Variants in LRP8 observed in about 807,000 individuals in gnomAD.
LRP8 encodes the protein low-density lipoprotein receptor-related protein 8.
Under a neutral mutation model 111.6 loss-of-function variants are expected in LRP8, and 46 were observed. The observed-to-expected ratio is 0.41, with a 90% CI of 0.33 to 0.53. The LOEUF is 0.53. Among genes scored for constraint, LRP8 ranks in the 20% least tolerant of loss-of-function variants. The probability of loss-of-function intolerance (pLI) is 0.20; values close to 1 mark genes in which losing one functional copy is unlikely to be tolerated. For synonymous variants in LRP8, 464 were observed against 511.2 expected (o/e 0.91, Z 1.24); for missense variants, 959 against 1,297.4 (o/e 0.74, Z 4.01).
rs1655392286 is a variant in LRP8 at position 53,327,870 on chromosome 1, G to GCAGCGC, written c.37_42dup (p.Ala13_Leu14dup). On this transcript the variant is annotated inframe_insertion, in exon 1 of 19. Transcript: ENST00000306052. ...AGCAGCAGCAGCAGCAGCAGCAGCA[G>GCAGCGC]CAGCGCCAGAAGCCGGAGAGGGCCC... 1 of 1,505,932 alleles carries GCAGCGC rather than the reference G, an allele frequency of 6.6e-7. No individual in the cohort carries two copies. 93.3% of individuals were successfully genotyped at this position (1,505,932 alleles called of 1,614,324 possible). A position where few individuals can be genotyped will look rare whatever the true frequency, so the allele number is the denominator to read the frequency against.
intron 4 of LRP8, among the ~76,000 whole-genome samples, chr1:53,280,031 C>T (rs11206134): frequency 0.3 from 45,989 of 152,126 alleles, 8,052 homozygotes; most frequent in East Asian, 0.41. Flanking sequence ...CTGTCCCTGC[C>T]GAGGCTGCTG....
Position 53,249,682 on chromosome 1 carries a change from T to G in LRP8, c.2677-126A>C. 1.5e-6 allele frequency: 2 copies of G among 1,374,586 alleles called. No individual in the cohort carries two copies. Among genetic ancestry groups the G allele is most frequent in the Non-Finnish European group, 1.9e-6 (2 of 1,045,764 alleles). The allele number at this position is 1,374,586 out of a possible 1,614,324, so 85.1% of individuals were successfully genotyped here. A position where few individuals can be genotyped will look rare whatever the true frequency, so the allele number is the denominator to read the frequency against. ...ATTCCCCCAAAAAGCCATGCTGTGT[T>G]GTACCTTCAAGCCTTTGCACATGCC... On this transcript the variant is annotated intron_variant, in intron 17 of 18. Transcript: ENST00000306052. The surrounding 1 kb of genome is among the most constrained non-coding windows in gnomAD (Gnocchi z 4.1).
intron 2 of LRP8, among the ~76,000 whole-genome samples, chr1:53,299,868 A>T (rs1244694227): frequency 1.7e-4 from 26 of 152,222 alleles, no homozygotes; most frequent in Admixed American, 1.6e-3. Context: ...GGTGAGTTGG[A>T]TGAGATAAGC....
chr1:53,290,007 A>C (rs12039021), intron 2 of LRP8, among the ~76,000 whole-genome samples: 52,379 of 151,934 alleles, frequency 0.34, 10,421 homozygotes, highest in East Asian at 0.59. Flanking sequence ...CTGATACCCT[A>C]CAGCAGCTGC....
In LRP8 at chr1:53,279,651, G is replaced by A. The variant is rs1337178547; in HGVS notation, c.496+936C>T. ...GGAGATGGCATTTTCCCTGGGCCAG[G>A]AAAGATGGATAGGATGCAAATATAG... On this transcript the variant is annotated intron_variant, in intron 4 of 18. Transcript: ENST00000306052. This position sits in a 1 kb window ranked among gnomAD's most constrained non-coding sequence, Gnocchi z 4.4. Among the ~76,000 whole-genome samples the A allele has an allele frequency of 2.0e-5, 3 of 152,236 alleles. No individual in the cohort carries two copies. The highest frequency in any genetic ancestry group is 7.2e-5 in the African/African-American group (3 of 41,464).
intron 6 of LRP8, 21 bp from the exon 7 acceptor site, chr1:53,271,367 C>T (rs1490661286): frequency 6.2e-7 from 1 of 1,613,806 alleles, no homozygotes; most frequent in Non-Finnish European, 8.5e-7. Flanking sequence ...ACATGGGCTC[C>T]TGAAGGTCCA....
chr1:53,286,068 G>C (rs1647501060), intron 3 of LRP8, among the ~76,000 whole-genome samples: 1 of 152,208 alleles, frequency 6.6e-6, no homozygotes, highest in East Asian at 1.9e-4. Context: ...AAAGTACTTG[G>C]CGGCTGCCCA....
Position 53,279,527 on chromosome 1 carries a change from C to T in LRP8, c.496+1060G>A, listed in dbSNP as rs1272726619. ...CACTGGGACTTTGAAACTGCTGTTCCCAGCCAGGATCTCCCTCCATACCCA... is the reference window on the plus strand; with the variant it reads ...CACTGGGACTTTGAAACTGCTGTTCTCAGCCAGGATCTCCCTCCATACCCA... On this transcript the variant is annotated intron_variant, in intron 4 of 18. Coordinates refer to ENST00000306052, the MANE Select transcript of LRP8 (RefSeq NM_004631.5). The surrounding 1 kb of genome is among the most constrained non-coding windows in gnomAD (Gnocchi z 4.4). Among the ~76,000 whole-genome samples the T allele has an allele frequency of 6.6e-6, 1 of 152,188 alleles. No individual in the cohort carries two copies. Among genetic ancestry groups the T allele is most frequent in the Admixed American group, 6.5e-5 (1 of 15,288 alleles).
At chr1:53,318,827 A>G (rs145119375) in intron 2 of LRP8, among the ~76,000 whole-genome samples, 3 of 152,268 alleles carry the variant, frequency 2.0e-5, no homozygotes, top group East Asian at 3.9e-4. Context: ...AAGAGCTCAC[A>G]TGCAGAGAAA....
chr1:53,286,435 A>G (rs1419587820), intron 3 of LRP8, among the ~76,000 whole-genome samples: 1 of 152,206 alleles, frequency 6.6e-6, no homozygotes, highest in East Asian at 1.9e-4. Flanking sequence ...AAAAGCCTCC[A>G]TATTCAAATA....
intron 1 of LRP8, 34 bp downstream of exon 1, chr1:53,327,755 G>C (rs1438450287): frequency 1.6e-5 from 24 of 1,479,756 alleles, no homozygotes; most frequent in Non-Finnish European, 2.0e-5. Context: ...GGCTAGGGCG[G>C]AGCAGAGCCG....
chr1:53,269,161 G>A (rs1222566391), intron 8 of LRP8, among the ~76,000 whole-genome samples: 1 of 152,136 alleles, frequency 6.6e-6, no homozygotes, highest in Non-Finnish European at 1.5e-5. Context: ...TGCTCCAACT[G>A]TACCAGCTTC....
intron 2 of LRP8, among the ~76,000 whole-genome samples, chr1:53,326,151 C>A (rs1337095121): frequency 2.0e-5 from 3 of 152,250 alleles, no homozygotes; most frequent in African/African-American, 4.8e-5. Context: ...CCGGGCAGGG[C>A]TAGCAGGAAA....
intron 2 of LRP8, among the ~76,000 whole-genome samples, chr1:53,309,224 G>A (rs1332301664): frequency 6.6e-6 from 1 of 152,128 alleles, no homozygotes; most frequent in Non-Finnish European, 1.5e-5. Context: ...GCAGTGAGCC[G>A]AGACCATGCC....
chr1:53,324,123 G>A (rs1297559503), intron 2 of LRP8, among the ~76,000 whole-genome samples: 3 of 152,238 alleles, frequency 2.0e-5, no homozygotes, highest in Non-Finnish European at 2.9e-5. Context: ...AGGGTGGTCA[G>A]GGGTAAGGCA....
At chr1:53,280,114 A>G (rs1462101689) in intron 4 of LRP8, among the ~76,000 whole-genome samples, 1 of 152,206 alleles carries the variant, frequency 6.6e-6, no homozygotes, top group African/African-American at 2.4e-5. Flanking sequence ...TTGACACCTC[A>G]GGAATCCGTC....
At position 53,327,896 on chromosome 1, in the gene LRP8, G is replaced by C; in HGVS notation, c.17C>G (p.Pro6Arg). The C allele has an allele frequency of 6.9e-7, 1 of 1,457,136 alleles. No individual in the cohort carries two copies. Among genetic ancestry groups the C allele is most frequent in the Non-Finnish European group, 9.0e-7 (1 of 1,105,732 alleles). The allele number at this position is 1,457,136 out of a possible 1,614,324, so 90.3% of individuals were successfully genotyped here. A position where few individuals can be genotyped will look rare whatever the true frequency, so the allele number is the denominator to read the frequency against. Residue 6 changes from proline (P) to arginine (R), a missense_variant, in exon 1 of 19, where the codon CCG becomes CGG. Physicochemically the swap from Pro to Arg is moderately radical, Grantham distance 103 (BLOSUM62 -2). This residue lies in a region of LRP8 where 97 missense variants were observed against 107.5 expected (regional missense o/e 0.90). Coordinates refer to ENST00000306052, the MANE Select transcript of LRP8 (RefSeq NM_004631.5). MGLPE[P>R]GPLRLLALLL... ...CAGCGCCAGAAGCCGGAGAGGGCCC[G>C]GCTCGGGGAGGCCCATGGCGGGCCC...
In LRP8 at chr1:53,271,126, G is replaced by A; in HGVS notation, c.1154C>T (p.Ala385Val). 6.2e-7 allele frequency: 1 copy of A among 1,613,974 alleles called. No homozygotes were observed. The highest frequency in any genetic ancestry group is 8.5e-7 in the Non-Finnish European group (1 of 1,179,998). ...GDIDECKDPD[A>V]CSQICVNYKG... The stretch of plus-strand genomic sequence containing the variant: ...GTAATTGACACAGATCTGGCTGCAG[G>A]CATCTGGGTCCTTGCACTCATCAAT... Residue 385 changes from alanine (A) to valine (V), a missense_variant, in exon 8 of 19, where the codon GCC (alanine) becomes GTC (valine). Ala to Val is a moderately conservative substitution (Grantham distance 64). Coordinates refer to ENST00000306052, the MANE Select transcript of LRP8 (RefSeq NM_004631.5).
chr1:53,272,463 T>TCCAGC, intron 6 of LRP8: 1 of 730,194 alleles, frequency 1.4e-6, no homozygotes, highest in South Asian at 1.6e-5. Flanking sequence ...GCACTGCCAC[T>TCCAGC]CCAGCCAAGC....
Sources: allele counts gnomAD v4.1 joint callset (sites outside exome capture counted in the v4.1 genomes callset), GRCh38; gene constraint gnomAD v4.1.1; regional missense constraint gnomAD v4.1.1; non-coding constraint Gnocchi (gnomAD v3.1); transcripts MANE v1.5; gene names NCBI Gene and HGNC (gene_info 2026-07-23, HGNC 2026-07-21).